The following DECR1 variants were observed in gnomAD, a reference collection of about 807,000 sequenced individuals.
DECR1 encodes 2,4-dienoyl-CoA reductase 1.
A neutral mutation model predicts 38.8 loss-of-function variants in DECR1; 44 were observed. The ratio of observed to expected loss-of-function variants is 1.13; its 90% CI spans 0.89 to 1.46. DECR1 has a LOEUF of 1.46. Ranked by LOEUF, DECR1 falls within the 40% of genes most tolerant of loss-of-function variation. The pLI, the probability that DECR1 is intolerant of heterozygous loss-of-function variation, is 0.00. For synonymous variants in DECR1, 148 were observed against 135.2 expected, an observed-to-expected ratio of 1.09 and a Z score of -0.66; for missense variants, 428 against 405.5, an observed-to-expected ratio of 1.06 and a Z score of -0.48.
intron 1 of DECR1, among the ~76,000 whole-genome samples, chr8:90,010,102 G>A (rs1812845298): frequency 6.6e-6 from 1 of 152,204 alleles, no homozygotes; most frequent in Admixed American, 6.5e-5. Flanking sequence ...CCTTCAGGTT[G>A]CTGTGGCAAC....
At chr8:90,025,613 G>A (rs1372042788) in intron 5 of DECR1, among the ~76,000 whole-genome samples, 1 of 152,178 alleles carries the variant, frequency 6.6e-6, no homozygotes, top group African/African-American at 2.4e-5. Flanking sequence ...AGCTTAAGGA[G>A]ATTTTGGGCT....
rs1265209899 is a variant in DECR1 at position 90,051,818 on chromosome 8, T to C, written c.949-20T>C. On this transcript the variant is annotated intron_variant, in intron 9 of 9. Transcript: ENST00000220764. The stretch of plus-strand genomic sequence containing the variant: ...AAAACATGTAAAAAGGACATTAAAT[T>C]GACATCTTTTTTGTGTTAGGTCACC... 6.2e-7 allele frequency: 1 copy of C among 1,613,636 alleles called. No homozygotes were observed. Among genetic ancestry groups the C allele is most frequent in the Non-Finnish European group, 8.5e-7 (1 of 1,179,716 alleles).
chr8:90,015,923 A>G (rs1812995879), intron 1 of DECR1, among the ~76,000 whole-genome samples: 1 of 152,190 alleles, frequency 6.6e-6, no homozygotes, highest in Admixed American at 6.5e-5. Flanking sequence ...TACCTATTTC[A>G]TGTGGTTGTT....
At chr8:90,051,798 A>T in intron 9 of DECR1, 40 bp from the exon 10 acceptor site, 1 of 1,613,074 alleles carries the variant, frequency 6.2e-7, no homozygotes. Context: ...CTTTAAAAAC[A>T]TGTAAAAAGG....
Position 90,024,751 on chromosome 8 carries a change from T to C in DECR1, c.565+3695T>C, listed in dbSNP as rs184123356. ...AGATCCCGTTTGTCTATTTTGGCTT[T>C]TGTGGCCATTGCTTTTGGTGTTTTA... On this transcript the variant is annotated intron_variant, in intron 5 of 9. Coordinates refer to ENST00000220764, the MANE Select transcript of DECR1 (RefSeq NM_001359.2). Among the ~76,000 whole-genome samples the C allele has an allele frequency of 2.6e-5, 4 of 152,348 alleles. No individual in the cohort carries two copies. The East Asian group carries it at 7.7e-4, about 29-fold the overall frequency.
intron 6 of DECR1, among the ~76,000 whole-genome samples, chr8:90,040,502 T>A (rs2130140649): frequency 6.6e-6 from 1 of 152,338 alleles, no homozygotes; most frequent in Non-Finnish European, 1.5e-5. Flanking sequence ...TACTTTAAGT[T>A]CTGGGATACA....
At chr8:90,040,924 C>A (rs1813746075) in intron 6 of DECR1, among the ~76,000 whole-genome samples, 1 of 152,160 alleles carries the variant, frequency 6.6e-6, no homozygotes, top group East Asian at 1.9e-4. Flanking sequence ...AACAGTGCTG[C>A]AATAAACATA....
intron 1 of DECR1, among the ~76,000 whole-genome samples, chr8:90,009,954 A>G (rs1185996973): frequency 4.6e-5 from 7 of 152,192 alleles, no homozygotes; most frequent in African/African-American, 1.2e-4. Flanking sequence ...ATTTTCAAGG[A>G]CTCATGTTCA....
intron 1 of DECR1, chr8:90,005,507 A>T: frequency 2.2e-6 from 1 of 450,338 alleles, no homozygotes; most frequent in Non-Finnish European, 4.5e-6. Flanking sequence ...TTGTGAGAGG[A>T]AGCTGGGCCT....
intron 3 of DECR1, 35 bp from the exon 4 acceptor site, chr8:90,019,051 C>T (rs369033482): frequency 2.5e-6 from 4 of 1,606,982 alleles, no homozygotes; most frequent in Non-Finnish European, 3.4e-6. Context: ...TTTAAGAAAG[C>T]TGGAAAATGT....
chr8:90,033,099 G>A (rs1813538886), intron 5 of DECR1, among the ~76,000 whole-genome samples: 1 of 152,220 alleles, frequency 6.6e-6, no homozygotes, highest in Non-Finnish European at 1.5e-5. Context: ...CTGAGCCCAG[G>A]TGTCTATACT....
chr8:90,009,578 T>G (rs1390221766), intron 1 of DECR1, among the ~76,000 whole-genome samples: 1 of 152,196 alleles, frequency 6.6e-6, no homozygotes, highest in Admixed American at 6.5e-5. Context: ...AAACACTTGC[T>G]TAAAATGAAT....
At position 90,011,847 on chromosome 8, in the gene DECR1, G is replaced by C. The variant is rs1812890673; in HGVS notation, c.70-5277G>C. On this transcript the variant is annotated intron_variant, in intron 1 of 9. Coordinates refer to ENST00000220764, the MANE Select transcript of DECR1 (RefSeq NM_001359.2). ...GGATTTGCTGGGTCAAAGAGTATTT[G>C]TATCTAACATTTAAAAAAATGTTGC... Among the ~76,000 whole-genome samples, 3 of 152,174 alleles carry C rather than the reference G, an allele frequency of 2.0e-5. No homozygotes were observed. The South Asian group carries it at 6.2e-4, about 32-fold the overall frequency.
In DECR1 at chr8:90,017,131, G is replaced by C; in HGVS notation, c.77G>C (p.Ser26Thr). The C allele has an allele frequency of 6.2e-7, 1 of 1,611,662 alleles. No homozygotes were observed. The highest frequency in any genetic ancestry group is 2.2e-5 in the East Asian group (1 of 44,862). Residue 26 changes from serine (S) to threonine (T), a missense_variant, in exon 2 of 10, where the codon AGT becomes ACT. Physicochemically the swap from Ser to Thr is moderately conservative, Grantham distance 58. Transcript: ENST00000220764. Reference protein sequence around the residue: ...PCGLAPRRFFSYGTKILYQNT... With the variant: ...PCGLAPRRFFTYGTKILYQNT... ...TTCATTTTCCCCTTTTAGTTTTTCA[G>C]TTATGGGACAAAAATATTATATCAA...
At chr8:90,009,678 G>A (rs1054749834) in intron 1 of DECR1, among the ~76,000 whole-genome samples, 2 of 152,128 alleles carry the variant, frequency 1.3e-5, no homozygotes, top group African/African-American at 4.8e-5. Context: ...CTCTTTGCAA[G>A]AGCAGAGATT....
At chr8:90,043,020 A>G (rs973867472) in intron 7 of DECR1, among the ~76,000 whole-genome samples, 2 of 149,262 alleles carry the variant, frequency 1.3e-5, no homozygotes, top group South Asian at 4.1e-4. Context: ...TGTCAATTTC[A>G]GTGTCTTAAT....
Position 90,045,293 on chromosome 8 carries a change from G to A in DECR1, c.885+298G>A, listed in dbSNP as rs552378691. On this transcript the variant is annotated intron_variant, in intron 8 of 9. Transcript: ENST00000220764. ...CCCTTTCCTAGCCAAGGGAAGCCCTGACAGATGGTACCTGGAAAATCAGGA... is the reference window on the plus strand; with the variant it reads ...CCCTTTCCTAGCCAAGGGAAGCCCTAACAGATGGTACCTGGAAAATCAGGA... Among the ~76,000 whole-genome samples the A allele has an allele frequency of 3.3e-5, 5 of 152,198 alleles. No homozygotes were observed. The South Asian group carries it at 1.0e-3, about 32-fold the overall frequency.
intron 1 of DECR1, among the ~76,000 whole-genome samples, chr8:90,013,399 GTTTTTTTTTTTT>G (rs57505716): frequency 6.4e-5 from 5 of 77,984 alleles, no homozygotes; most frequent in Non-Finnish European, 9.4e-5. Flanking sequence ...CTCTTCTTTC[GTTTTTTTTTTTT>G]TTTTTTTTTT....
Position 90,052,684 on chromosome 8 carries a change from A to G in DECR1, c.*787A>G, listed in dbSNP as rs1035456926. ...TAAAAGAGGTAAAGAAAGCCTATAAAATATTTTTGTATATCATTTGATTAA... is the reference window on the plus strand; with the variant it reads ...TAAAAGAGGTAAAGAAAGCCTATAAGATATTTTTGTATATCATTTGATTAA... On this transcript the variant is annotated 3_prime_UTR_variant, in exon 10 of 10. Transcript: ENST00000220764. 1.3e-5 allele frequency among the ~76,000 whole-genome samples: 2 copies of G among 152,174 alleles called. No homozygotes were observed. The highest frequency in any genetic ancestry group is 2.9e-5 in the Non-Finnish European group (2 of 68,040).
Sources: allele counts gnomAD v4.1 joint callset (sites outside exome capture counted in the v4.1 genomes callset), GRCh38; gene constraint gnomAD v4.1.1; transcripts MANE v1.5; gene names NCBI Gene and HGNC (gene_info 2026-07-23, HGNC 2026-07-21).